The following TMEM41A variants were observed in gnomAD, a reference collection of about 807,000 sequenced individuals.
TMEM41A encodes transmembrane protein 41A.
A neutral mutation model predicts 25.7 loss-of-function variants in TMEM41A; 20 were observed. That is an observed-to-expected ratio of 0.78 (90% CI 0.55 to 1.13). The LOEUF (loss-of-function observed/expected upper bound fraction) is 1.13. Ranked by LOEUF, TMEM41A falls within the 50% of genes most tolerant of loss-of-function variation. The pLI is 0.00. For missense variants in TMEM41A, 299 were observed against 314.3 expected (o/e 0.95, Z 0.37); for synonymous variants, 133 against 139.6 (o/e 0.95, Z 0.33).
rs1298515985 is a variant in TMEM41A, at chr3:185,491,247, C to T, written c.*290G>A. On this transcript the variant is annotated 3_prime_UTR_variant, in exon 5 of 5. Coordinates refer to ENST00000421852, the MANE Select transcript of TMEM41A (RefSeq NM_080652.4). ...TCCTGACCTTGTGAATCACCGGCCT[C>T]GGCCTCCCAAAGTGCTGGGATTACA... The T allele has an allele frequency of 1.7e-5, 4 of 238,370 alleles. No individual in the cohort carries two copies. In the South Asian group the frequency reaches 1.8e-4, roughly 11 times the overall value. 14.8% of individuals were successfully genotyped at this position (238,370 alleles called of 1,614,324 possible). A position where few individuals can be genotyped will look rare whatever the true frequency, so the allele number is the denominator to read the frequency against.
intron 4 of TMEM41A, chr3:185,492,830 G>A (rs1471448659): frequency 6.6e-6 from 1 of 152,242 alleles, no homozygotes; most frequent in Non-Finnish European, 1.5e-5. Flanking sequence ...CAGCTTGTGA[G>A]ACAGAGGACA....
In TMEM41A at chr3:185,491,400, A is replaced by T; in HGVS notation, c.*137T>A. ...TTCAAGAGCAGAGTGTCCTTTCTGA[A>T]AAGACACTGCACATTGATGCACAGT... On this transcript the variant is annotated 3_prime_UTR_variant, in exon 5 of 5. Coordinates refer to ENST00000421852, the MANE Select transcript of TMEM41A (RefSeq NM_080652.4). The T allele has an allele frequency of 4.5e-6, 3 of 673,358 alleles. No homozygotes were observed. The allele number at this position is 673,358 out of a possible 1,614,324, so 41.7% of individuals were successfully genotyped here.
chr3:185,494,399 A>C (rs573497222), intron 4 of TMEM41A: 2 of 476,084 alleles, frequency 4.2e-6, no homozygotes, highest in East Asian at 7.0e-5. Context: ...ACAGCCATGC[A>C]ATGGACAATC....
chr3:185,498,081 A>ACCC lies in TMEM41A; in HGVS notation c.119+759_119+761dup, dbSNP rs573414045. 8.7e-4 allele frequency among the ~76,000 whole-genome samples: 74 copies of ACCC among 85,126 alleles called. 2 individuals are homozygous for ACCC. Among genetic ancestry groups the ACCC allele is most frequent in the African/African-American group, 2.8e-3 (62 of 22,480 alleles). 55.8% of individuals were successfully genotyped at this position (85,126 alleles called of 152,430 possible). A position where few individuals can be genotyped will look rare whatever the true frequency, so the allele number is the denominator to read the frequency against. ...AGACCAGCCTGGCCAACATAATGAG[A>ACCC]CCCCCCCCCCGCGTCCCTACTAAAA... On this transcript the variant is annotated intron_variant, in intron 1 of 4. Coordinates refer to ENST00000421852, the MANE Select transcript of TMEM41A (RefSeq NM_080652.4).
At chr3:185,494,283 C>T (rs1348632346) in intron 4 of TMEM41A, 1 of 196,556 alleles carries the variant, frequency 5.1e-6, no homozygotes, top group Non-Finnish European at 1.0e-5. Flanking sequence ...GACACACACC[C>T]TCATTCCAAC....
intron 1 of TMEM41A, 58 bp downstream of exon 1, chr3:185,498,785 C>T (rs980461369): frequency 1.6e-5 from 21 of 1,295,418 alleles, no homozygotes; most frequent in Non-Finnish European, 2.0e-5. Flanking sequence ...GATTCCCAGC[C>T]CCGGTCCTCG....
Position 185,494,646 on chromosome 3 carries a change from T to C in TMEM41A, c.551A>G (p.Gln184Arg). 1.2e-6 allele frequency: 2 copies of C among 1,609,536 alleles called. No homozygotes were observed. The highest frequency in any genetic ancestry group is 1.7e-6 in the Non-Finnish European group (2 of 1,178,430). ...ACCGATAAGAACTGAGAAGAAGAACTGCACGATGGGAATGTTCAGAATTGG... is the reference window on the plus strand; with the variant it reads ...ACCGATAAGAACTGAGAAGAAGAACCGCACGATGGGAATGTTCAGAATTGG... The part of the protein sequence containing the change: ...SAPILNIPIV[Q>R]FFFSVLIGLI... Residue 184 changes from glutamine to arginine, a missense_variant, in exon 4 of 5, where the codon CAG becomes CGG. Coordinates refer to ENST00000421852, the MANE Select transcript of TMEM41A (RefSeq NM_080652.4).
At chr3:185,495,049 G>A (rs796332578) in intron 3 of TMEM41A, 105 bp downstream of exon 3, 1 of 1,381,032 alleles carries the variant, frequency 7.2e-7, no homozygotes, top group East Asian at 2.3e-5. Flanking sequence ...TCCTGAAACA[G>A]CGTGGAAGAG....
intron 2 of TMEM41A, chr3:185,495,758 G>C (rs1719083187): frequency 6.2e-6 from 1 of 161,988 alleles, no homozygotes; most frequent in South Asian, 1.7e-4. Context: ...GCCATTTAAA[G>C]AGGTGAATGA....
At chr3:185,496,528 T>C (rs923100739) in intron 2 of TMEM41A, 6 of 411,808 alleles carry the variant, frequency 1.5e-5, no homozygotes, top group Admixed American at 3.5e-5. Context: ...CCTGCCTCTC[T>C]TGGACATGTT....
chr3:185,494,889 G>T (rs1719056632), intron 3 of TMEM41A, 128 bp from the exon 4 acceptor site: 1 of 1,207,046 alleles, frequency 8.3e-7, no homozygotes, highest in Non-Finnish European at 1.2e-6. Flanking sequence ...CAACCCTCCA[G>T]GGAAAGACTG....
chr3:185,493,343 G>A (rs568028008), intron 4 of TMEM41A: 17 of 152,218 alleles, frequency 1.1e-4, no homozygotes, highest in African/African-American at 3.6e-4. Context: ...TTTAGATATC[G>A]TCTAATTCAG....
Position 185,499,023 on chromosome 3 carries a change from C to T in TMEM41A, c.-62G>A. The T allele has an allele frequency of 6.9e-7, 1 of 1,445,296 alleles. No individual in the cohort carries two copies. The highest frequency in any genetic ancestry group is 9.4e-7 in the Non-Finnish European group (1 of 1,061,740). 89.5% of individuals were successfully genotyped at this position (1,445,296 alleles called of 1,614,324 possible). On this transcript the variant is annotated 5_prime_UTR_variant, in exon 1 of 5. Coordinates refer to ENST00000421852, the MANE Select transcript of TMEM41A (RefSeq NM_080652.4). ...AGCTCACTTGCACTCCGGGACGCAG[C>T]GGCGGGCGGACTGAGCCCGCGGAGC...
chr3:185,493,015 T>A (rs1057189857), intron 4 of TMEM41A: 1 of 152,234 alleles, frequency 6.6e-6, no homozygotes. Flanking sequence ...GTATCTCCTA[T>A]GAATAGCAGC....
Position 185,490,337 on chromosome 3 carries a change from T to C in TMEM41A, c.*1200A>G, listed in dbSNP as rs1271503417. On this transcript the variant is annotated 3_prime_UTR_variant, in exon 5 of 5. Coordinates refer to ENST00000421852, the MANE Select transcript of TMEM41A (RefSeq NM_080652.4). The stretch of plus-strand genomic sequence containing the variant: ...AACAATGAAAAACATTCAGAGGGTA[T>C]ACTGCCTGATGGCCCCATATACTGA... 2 of 152,236 alleles carry C rather than the reference T, an allele frequency of 1.3e-5. No individual in the cohort carries two copies. Among genetic ancestry groups the C allele is most frequent in the Non-Finnish European group, 2.9e-5 (2 of 68,040 alleles). The allele number at this position is 152,236 out of a possible 1,614,324, so 9.4% of individuals were successfully genotyped here. A position where few individuals can be genotyped will look rare whatever the true frequency, so the allele number is the denominator to read the frequency against.
intron 2 of TMEM41A, chr3:185,495,923 T>C (rs1212025291): frequency 6.5e-6 from 1 of 152,970 alleles, no homozygotes; most frequent in East Asian, 1.9e-4. Flanking sequence ...AAAGTAGAAA[T>C]GAAACTCACG....
chr3:185,495,141 C>G lies in TMEM41A; in HGVS notation c.435+13G>C. 1 of 1,612,852 alleles carries G rather than the reference C, an allele frequency of 6.2e-7. No individual in the cohort carries two copies. The highest frequency in any genetic ancestry group is 8.5e-7 in the Non-Finnish European group (1 of 1,179,850). On this transcript the variant is annotated intron_variant, in intron 3 of 4. Transcript: ENST00000421852. ...CTGGGGTCCCAGCTCTCAGATGTGA[C>G]CCCTCCCCTTACCTTTCTCTGCAGC...
Position 185,491,291 on chromosome 3 carries a change from C to T in TMEM41A, c.*246G>A, listed in dbSNP as rs952200221. 225 of 368,752 alleles carry T rather than the reference C, an allele frequency of 6.1e-4. No individual in the cohort carries two copies. Among genetic ancestry groups the T allele is most frequent in the Admixed American group, 2.1e-4 (5 of 24,170 alleles). The allele number at this position is 368,752 out of a possible 1,614,324, so 22.8% of individuals were successfully genotyped here. A position where few individuals can be genotyped will look rare whatever the true frequency, so the allele number is the denominator to read the frequency against. ...GATTACAGGCGTGAGCCACCGCGCCCGGCCACAAACAGCATTTTCTAGGAG... is the reference window on the plus strand; with the variant it reads ...GATTACAGGCGTGAGCCACCGCGCCTGGCCACAAACAGCATTTTCTAGGAG... On this transcript the variant is annotated 3_prime_UTR_variant, in exon 5 of 5. Transcript: ENST00000421852.
At chr3:185,494,358 C>A in intron 4 of TMEM41A, 1 of 360,806 alleles carries the variant, frequency 2.8e-6, no homozygotes. Context: ...TTTACACAGA[C>A]CATCTCTTCT....
Sources: gnomAD v4.1 joint callset for allele counts (sites outside exome capture counted in the v4.1 genomes callset) on GRCh38, gnomAD v4.1.1 for gene constraint, MANE v1.5 for transcripts, NCBI Gene and HGNC (gene_info 2026-07-23, HGNC 2026-07-21) for gene names.